Variants in CFAP52 observed in about 807,000 individuals in gnomAD.
CFAP52 encodes the protein cilia and flagella associated protein 52.
In CFAP52, 57 loss-of-function variants were observed where a neutral mutation model predicts 70.5. The observed-to-expected ratio is 0.81, with a 90% CI of 0.65 to 1.01. The LOEUF is 1.01. Among genes scored for constraint, CFAP52 ranks in the 50% least tolerant of loss-of-function variants. The pLI is 0.00. For synonymous variants in CFAP52, 267 were observed against 292.5 expected (o/e 0.91, Z 0.89); for missense variants, 785 against 788.5 (o/e 1.00, Z 0.05).
intron 1 of CFAP52, among the ~76,000 whole-genome samples, chr17:9,577,602 T>G (rs1214301128): frequency 1.3e-5 from 2 of 152,228 alleles, no homozygotes; most frequent in Non-Finnish European, 2.9e-5. Flanking sequence ...GTCTAAAGTT[T>G]TAAGCATACT....
chr17:9,599,258 C>A (rs528413971), intron 5 of CFAP52, among the ~76,000 whole-genome samples: 1 of 152,132 alleles, frequency 6.6e-6, no homozygotes, highest in Non-Finnish European at 1.5e-5. Context: ...CAACAATTTC[C>A]GATTTTGGAG....
At chr17:9,610,815 A>C (rs1464802394) in intron 7 of CFAP52, among the ~76,000 whole-genome samples, 3 of 152,192 alleles carry the variant, frequency 2.0e-5, no homozygotes, top group Admixed American at 1.3e-4. Context: ...CTAGGATTAC[A>C]GGTGTGAGCC....
intron 13 of CFAP52, among the ~76,000 whole-genome samples, 190 bp downstream of exon 13, chr17:9,642,025 G>A (rs539509968): frequency 6.6e-6 from 1 of 152,282 alleles, no homozygotes; most frequent in South Asian, 2.1e-4. Context: ...ATTTCAATGA[G>A]AGGAAACATT....
At chr17:9,644,276 T>A (rs560449838), downstream of CFAP52, among the ~76,000 whole-genome samples, 2 of 152,186 alleles carry the variant, frequency 1.3e-5, 1 homozygote, top group Middle Eastern at 6.3e-3. Context: ...TGGCTAATTT[T>A]GTATTTTTAG....
At position 9,585,989 on chromosome 17, in the gene CFAP52, C is replaced by T. The variant is rs764723109; in HGVS notation, c.270+17C>T. ...GGGTTCAAGGTGAATACAGTGAAAACGACTCATTGTCAATTTATCTAGAGG... is the reference window on the plus strand; with the variant it reads ...GGGTTCAAGGTGAATACAGTGAAAATGACTCATTGTCAATTTATCTAGAGG... On this transcript the variant is annotated intron_variant, in intron 2 of 13. Transcript: ENST00000352665. The T allele has an allele frequency of 3.3e-5, 54 of 1,612,378 alleles. No individual in the cohort carries two copies. Among genetic ancestry groups the T allele is most frequent in the East Asian group, 1.8e-4 (8 of 44,842 alleles).
At chr17:9,590,779 A>G (rs1473016632) in intron 3 of CFAP52, among the ~76,000 whole-genome samples, 1 of 152,144 alleles carries the variant, frequency 6.6e-6, no homozygotes. Flanking sequence ...CAGAACATTC[A>G]AGAATGTTGA....
At chr17:9,612,505 G>A (rs370755204) in intron 8 of CFAP52, 26 bp downstream of exon 8, 8 of 1,604,160 alleles carry the variant, frequency 5.0e-6, no homozygotes, top group Non-Finnish European at 6.8e-6. Flanking sequence ...AAACAAGAAT[G>A]TGGAGATTTG....
chr17:9,632,351 CCCAAAGT>C (rs1910583703), intron 9 of CFAP52, among the ~76,000 whole-genome samples: 2 of 151,724 alleles, frequency 1.3e-5, no homozygotes, highest in Admixed American at 1.3e-4. Flanking sequence ...ACCTTGGCCT[CCCAAAGT>C]GCAAAGTGTT....
chr17:9,591,915 C>A (rs1192544161), intron 3 of CFAP52, among the ~76,000 whole-genome samples: 1 of 152,140 alleles, frequency 6.6e-6, no homozygotes, highest in South Asian at 2.1e-4. Context: ...AAGCTATTTC[C>A]GGCCATGGCT....
intron 1 of CFAP52, among the ~76,000 whole-genome samples, chr17:9,583,890 A>T (rs1345528829): frequency 1.3e-5 from 2 of 152,210 alleles, no homozygotes; most frequent in Non-Finnish European, 2.9e-5. Flanking sequence ...AAAGCTAAAA[A>T]CTCAAGAGAT....
chr17:9,579,048 G>T (rs960002515), intron 1 of CFAP52, among the ~76,000 whole-genome samples: 2 of 152,170 alleles, frequency 1.3e-5, no homozygotes, highest in Non-Finnish European at 2.9e-5. Context: ...TGTTTTGGGG[G>T]TCCCTTTGTC....
In CFAP52 at chr17:9,633,036, A is replaced by T. The variant is rs1910625120; in HGVS notation, c.1320+3A>T. 1 of 1,612,988 alleles carries T rather than the reference A, an allele frequency of 6.2e-7. No individual in the cohort carries two copies. Among genetic ancestry groups the T allele is most frequent in the Non-Finnish European group, 8.5e-7 (1 of 1,179,504 alleles). On this transcript the variant is annotated splice_donor_region_variant and intron_variant, in intron 10 of 13. Coordinates refer to ENST00000352665, the MANE Select transcript of CFAP52 (RefSeq NM_145054.5). ...TCAGTGGCGGTGGGGAAGGGGAGGT[A>T]TTGAAAGCAGAAATTTGAAAAAATA... is the stretch of plus-strand genomic sequence containing the variant.
rs773265594 is a variant in CFAP52, at chr17:9,585,943, T to A, written c.241T>A (p.Ser81Thr). The A allele has an allele frequency of 3.1e-6, 5 of 1,613,446 alleles. No homozygotes were observed. The highest frequency in any genetic ancestry group is 3.3e-4 in the Middle Eastern group (2 of 6,056). ...CTCCAGGTCTGGAGAGTACATCGCC[T>A]CCGGACAAGTCACATTCATGGGGTT... ...AISRSGEYIASGQVTFMGFKA... is the reference protein window; with the variant it reads ...AISRSGEYIATGQVTFMGFKA... The change falls in exon 2 of 14, where the codon TCC becomes ACC. Residue 81 changes from serine to threonine, a missense_variant. By Grantham distance (58) the Ser-to-Thr change is moderately conservative (BLOSUM62 1). Coordinates refer to ENST00000352665, the MANE Select transcript of CFAP52 (RefSeq NM_145054.5).
intron 4 of CFAP52, among the ~76,000 whole-genome samples, chr17:9,597,831 A>AGAG (rs57688684): frequency 0.011 from 1,468 of 131,628 alleles, 14 homozygotes; most frequent in East Asian, 0.021. Flanking sequence ...GAGAGAGAGA[A>AGAG]AGAGAGAAAG....
At chr17:9,607,679 A>G (rs1000631042) in intron 6 of CFAP52, among the ~76,000 whole-genome samples, 3 of 152,232 alleles carry the variant, frequency 2.0e-5, no homozygotes, top group Non-Finnish European at 4.4e-5. Flanking sequence ...AGAGACTAGC[A>G]TTGCTGAGGT....
chr17:9,610,310 T>G (rs987442627), intron 7 of CFAP52: 1 of 152,218 alleles, frequency 6.6e-6, no homozygotes, highest in South Asian at 2.1e-4. Flanking sequence ...ATTCCCATTA[T>G]GATGAAGATA....
At chr17:9,604,703 T>G (rs1909409356) in intron 6 of CFAP52, among the ~76,000 whole-genome samples, 1 of 151,130 alleles carries the variant, frequency 6.6e-6, no homozygotes, top group Non-Finnish European at 1.5e-5. Context: ...GGCAGTGAGA[T>G]CACGCCATTG....
At position 9,600,244 on chromosome 17, in the gene CFAP52, T is replaced by G. The variant is rs1400146690; in HGVS notation, c.753+61T>G. 5 of 1,413,104 alleles carry G rather than the reference T, an allele frequency of 3.5e-6. No individual in the cohort carries two copies. The East Asian group carries it at 1.2e-4, about 33-fold the overall frequency. 87.5% of individuals were successfully genotyped at this position (1,413,104 alleles called of 1,614,324 possible). A position where few individuals can be genotyped will look rare whatever the true frequency, so the allele number is the denominator to read the frequency against. On this transcript the variant is annotated intron_variant, in intron 6 of 13. Coordinates refer to ENST00000352665, the MANE Select transcript of CFAP52 (RefSeq NM_145054.5). ...TCTCCCTTCACTGGCAGCATGTACTTTTTTTTTTCCTTTTTGAGATGCAGT... is the reference window on the plus strand; with the variant it reads ...TCTCCCTTCACTGGCAGCATGTACTGTTTTTTTTCCTTTTTGAGATGCAGT...
chr17:9,611,705 T>G (rs1408318678), intron 7 of CFAP52, among the ~76,000 whole-genome samples: 1 of 152,172 alleles, frequency 6.6e-6, no homozygotes, highest in Non-Finnish European at 1.5e-5. Flanking sequence ...TGTATTCTAA[T>G]TTTTTACTTA....
Sources: gnomAD v4.1 joint callset for allele counts (sites outside exome capture counted in the v4.1 genomes callset) on GRCh38, gnomAD v4.1.1 for gene constraint, MANE v1.5 for transcripts, NCBI Gene and HGNC (gene_info 2026-07-23, HGNC 2026-07-21) for gene names.